The following MRPL14 variants were observed in gnomAD, a reference collection of about 807,000 sequenced individuals.
MRPL14 encodes mitochondrial ribosomal protein L14, also known as large ribosomal subunit protein uL14m.
MRPL14 carries 8 observed loss-of-function variants against 10.9 expected under a neutral mutation model. The ratio of observed to expected loss-of-function variants is 0.74; its 90% CI spans 0.43 to 1.33. The LOEUF is 1.33. MRPL14 is among the 40% of genes most tolerant of loss of function. The pLI is 0.01. For missense variants in MRPL14, 179 were observed against 194.5 expected, an observed-to-expected ratio of 0.92 and a Z score of 0.47; for synonymous variants, 82 against 74.1, an observed-to-expected ratio of 1.11 and a Z score of -0.54.
intron 1 of MRPL14, among the ~76,000 whole-genome samples, chr6:44,123,629 C>T (rs760116232): frequency 2.3e-4 from 35 of 152,226 alleles, no homozygotes; most frequent in Non-Finnish European, 5.0e-4. Context: ...AACCCCATTT[C>T]TCAACCCCAT....
chr6:44,119,424 A>T (rs896547218), intron 1 of MRPL14, among the ~76,000 whole-genome samples: 1 of 152,054 alleles, frequency 6.6e-6, no homozygotes, highest in African/African-American at 2.4e-5. Context: ...GGTACTCAGG[A>T]GGCTGAGACA....
chr6:44,125,789 G>T (rs1446646295), intron 1 of MRPL14, among the ~76,000 whole-genome samples: 1 of 147,176 alleles, frequency 6.8e-6, no homozygotes. Flanking sequence ...GAATTTTATT[G>T]TTCCACACAA....
At chr6:44,116,753 A>C in intron 1 of MRPL14, 124 bp from the exon 2 acceptor site, 1 of 665,066 alleles carries the variant, frequency 1.5e-6, no homozygotes, top group East Asian at 2.7e-5. Flanking sequence ...CAAAATATAA[A>C]TCTTAGTGGT....
chr6:44,122,087 C>G (rs556013139), intron 1 of MRPL14, among the ~76,000 whole-genome samples: 3 of 147,434 alleles, frequency 2.0e-5, no homozygotes, highest in Non-Finnish European at 3.0e-5. Context: ...CTTCCCCCCC[C>G]TCTTTTTTTT....
At chr6:44,119,837 G>A (rs546625677) in intron 1 of MRPL14, among the ~76,000 whole-genome samples, 86 of 152,200 alleles carry the variant, frequency 5.7e-4, no homozygotes, top group South Asian at 1.5e-3. Context: ...AGAGAAGAGC[G>A]TCCTGAACAA....
intron 2 of MRPL14, among the ~76,000 whole-genome samples, chr6:44,116,118 C>G (rs1429191140): frequency 6.6e-6 from 1 of 152,228 alleles, no homozygotes; most frequent in East Asian, 1.9e-4. Context: ...CTGTGCTCTC[C>G]TGGCTTAGCA....
At chr6:44,122,347 T>C (rs1422425700) in intron 1 of MRPL14, among the ~76,000 whole-genome samples, 1 of 152,090 alleles carries the variant, frequency 6.6e-6, no homozygotes, top group Non-Finnish European at 1.5e-5. Context: ...CCTCCCAAAG[T>C]GCTGGGATTA....
At chr6:44,115,188 C>G (rs925979231) in intron 2 of MRPL14, among the ~76,000 whole-genome samples, 3 of 91,666 alleles carry the variant, frequency 3.3e-5, no homozygotes, top group Non-Finnish European at 6.0e-5. Context: ...CCTCTTCTCT[C>G]GTTTTTTATG....
At position 44,116,637 on chromosome 6, in the gene MRPL14, A is replaced by T. The variant is rs767417827; in HGVS notation, c.-18-8T>A. ...GGGATCCCAAGATAGATCCTGCAGGAAAAACGAGAGGGGGAAAAATTGGTT... is the reference window on the plus strand; with the variant it reads ...GGGATCCCAAGATAGATCCTGCAGGTAAAACGAGAGGGGGAAAAATTGGTT... On this transcript the variant is annotated splice_region_variant and splice_polypyrimidine_tract_variant and intron_variant, in intron 1 of 2. Transcript: ENST00000372014. The T allele has an allele frequency of 5.0e-6, 8 of 1,609,614 alleles. No individual in the cohort carries two copies. The Admixed American group carries it at 1.0e-4, about 20-fold the overall frequency.
At chr6:44,117,005 A>G (rs1775915046) in intron 1 of MRPL14, among the ~76,000 whole-genome samples, 2 of 152,186 alleles carry the variant, frequency 1.3e-5, no homozygotes, top group South Asian at 4.1e-4. Flanking sequence ...ACTGCACACT[A>G]TTGCCCTTTT....
intron 1 of MRPL14, among the ~76,000 whole-genome samples, chr6:44,124,732 T>C (rs1207382695): frequency 6.6e-6 from 1 of 152,228 alleles, no homozygotes; most frequent in Non-Finnish European, 1.5e-5. Context: ...CAGAACAACA[T>C]TTCTGAGATC....
chr6:44,117,840 G>GGTTTTTTT (rs1250385139), intron 1 of MRPL14, among the ~76,000 whole-genome samples: 7 of 75,364 alleles, frequency 9.3e-5, no homozygotes, highest in African/African-American at 3.2e-4. Context: ...AATTTTTTGT[G>GGTTTTTTT]TTTTTTTTTT....
intron 1 of MRPL14, among the ~76,000 whole-genome samples, chr6:44,121,675 T>C (rs907539224): frequency 6.6e-6 from 1 of 152,238 alleles, no homozygotes; most frequent in Non-Finnish European, 1.5e-5. Context: ...CATAGTGGCT[T>C]ACGCCTATAA....
Position 44,114,000 on chromosome 6 carries a change from G to A in MRPL14, c.281C>T (p.Pro94Leu), listed in dbSNP as rs1364531207. ...GGAGTCGAATCTGGGGGTCATTCGG[G>A]GGCCAGGCATGCAGTGCCCCACAAT... ...ALIVGHCMPG[P>L]RMTPRFDSNN... is the part of the protein sequence containing the mutation. The change falls in exon 3 of 3, where the codon CCC becomes CTC. Residue 94 changes from proline to leucine, a missense_variant. By Grantham distance (98) the Pro-to-Leu change is moderately conservative. Transcript: ENST00000372014. 1.9e-5 allele frequency: 30 copies of A among 1,614,110 alleles called. No individual in the cohort carries two copies. The highest frequency in any genetic ancestry group is 2.4e-5 in the Non-Finnish European group (28 of 1,179,980).
chr6:44,126,925 G>A (rs1178745454), intron 1 of MRPL14: 1 of 152,248 alleles, frequency 6.6e-6, no homozygotes, highest in Non-Finnish European at 1.5e-5. Flanking sequence ...CCACAGAGGC[G>A]TCTGGCTAAC....
At chr6:44,126,475 G>C (rs929401493) in intron 1 of MRPL14, among the ~76,000 whole-genome samples, 14 of 152,284 alleles carry the variant, frequency 9.2e-5, no homozygotes, top group Admixed American at 3.3e-4. Flanking sequence ...AACCCCCCAG[G>C]TGGGCAGTGT....
Position 44,122,084 on chromosome 6 carries a change from C to T in MRPL14, c.-19+5260G>A, listed in dbSNP as rs539404464. The stretch of plus-strand genomic sequence containing the variant: ...TCATAGGCACAGAGAGCTCTTCCCC[C>T]CCCTCTTTTTTTTTTGGAGACGGAG... On this transcript the variant is annotated intron_variant, in intron 1 of 2. Transcript: ENST00000372014. 2.1e-4 allele frequency among the ~76,000 whole-genome samples: 31 copies of T among 149,210 alleles called. No homozygotes were observed. In the South Asian group the frequency reaches 4.9e-3, roughly 23 times the overall value.
In MRPL14 at chr6:44,127,451, A is replaced by G. The variant is rs916289775; in HGVS notation, c.-126T>C. ...CTGCGCGCCAGGCCCAGCCCGGCGG[A>G]CGCGATCTGAGAGTGCGCGCGCACC... On this transcript the variant is annotated 5_prime_UTR_variant, in exon 1 of 3. Coordinates refer to ENST00000372014, the MANE Select transcript of MRPL14 (RefSeq NM_032111.4). The G allele has an allele frequency of 6.6e-6, 1 of 151,404 alleles. No homozygotes were observed. The highest frequency in any genetic ancestry group is 2.1e-4 in the South Asian group (1 of 4,814). The allele number at this position is 151,404 out of a possible 1,614,324, so 9.4% of individuals were successfully genotyped here.
chr6:44,126,804 T>C (rs1468670861), intron 1 of MRPL14: 15 of 152,204 alleles, frequency 9.9e-5, no homozygotes, highest in African/African-American at 2.9e-4. Flanking sequence ...CCAGTCTTAA[T>C]CACTGGTAGA....
Sources: gnomAD v4.1 joint callset for allele counts (sites outside exome capture counted in the v4.1 genomes callset) on GRCh38, gnomAD v4.1.1 for gene constraint, MANE v1.5 for transcripts, NCBI Gene and HGNC (gene_info 2026-07-23, HGNC 2026-07-21) for gene names.